CDK8: variants seen among roughly 807,000 people sequenced by gnomAD.
CDK8 encodes cyclin-dependent kinase 8.
CDK8 carries 29 observed loss-of-function variants against 71.5 expected under a neutral mutation model. The ratio of observed to expected loss-of-function variants is 0.41; its 90% CI spans 0.30 to 0.55. The LOEUF (loss-of-function observed/expected upper bound fraction) is 0.55. Among genes scored for constraint, CDK8 ranks in the 20% least tolerant of loss-of-function variants. The pLI is 0.37. For missense variants in CDK8, 288 were observed against 572.6 expected (o/e 0.50, Z 5.07); for synonymous variants, 161 against 192.1 (o/e 0.84, Z 1.34).
chr13:26,337,007 CTTG>C (rs150709708), intron 1 of CDK8, among the ~76,000 whole-genome samples: 9,091 of 152,102 alleles, frequency 0.06, 901 homozygotes, highest in African/African-American at 0.21. Flanking sequence ...AAAGAAGGAA[CTTG>C]TTGTATCCTC....
intron 1 of CDK8, among the ~76,000 whole-genome samples, chr13:26,270,208 G>A (rs1473540697): frequency 6.6e-6 from 1 of 151,912 alleles, no homozygotes; most frequent in Admixed American, 6.6e-5. Context: ...TAATCAACAT[G>A]TGAAACCCTA....
intron 1 of CDK8, among the ~76,000 whole-genome samples, chr13:26,309,225 C>T (rs1265267634): frequency 2.0e-5 from 3 of 151,606 alleles, no homozygotes; most frequent in Admixed American, 6.6e-5. Flanking sequence ...CTGCAAGCTC[C>T]GCCTCCCAGG....
chr13:26,401,525 T>A lies in CDK8; in HGVS notation c.1170T>A (p.Asn390Lys). The A allele has an allele frequency of 6.2e-7, 1 of 1,614,144 alleles. No individual in the cohort carries two copies. Among genetic ancestry groups the A allele is most frequent in the Non-Finnish European group, 8.5e-7 (1 of 1,180,026 alleles). Reference sequence around the variant, plus strand: ...CTAATGGAACTGGCCACCCAGGGAATCAAGACAGCAGTCACACACAGGGAC... The same window carrying A: ...CTAATGGAACTGGCCACCCAGGGAAACAAGACAGCAGTCACACACAGGGAC... ...NHTNGTGHPGNQDSSHTQGPP... is the reference protein window; with the variant it reads ...NHTNGTGHPGKQDSSHTQGPP... Residue 390 changes from asparagine to lysine, a missense_variant, in exon 12 of 13, where the codon AAT becomes AAA. Asn to Lys is a moderately conservative substitution (Grantham distance 94, BLOSUM62 0). Coordinates refer to ENST00000381527, the MANE Select transcript of CDK8 (RefSeq NM_001260.3). This position sits in a 1 kb window ranked among gnomAD's most constrained non-coding sequence, Gnocchi z 4.5.
chr13:26,256,832 C>T (rs1470619724), intron 1 of CDK8, among the ~76,000 whole-genome samples: 2 of 152,070 alleles, frequency 1.3e-5, no homozygotes, highest in Non-Finnish European at 2.9e-5. Context: ...TAATGATTCT[C>T]TTTATGTGAT....
intron 1 of CDK8, among the ~76,000 whole-genome samples, chr13:26,284,290 A>G (rs1378410941): frequency 6.6e-6 from 1 of 152,220 alleles, no homozygotes; most frequent in East Asian, 1.9e-4. Context: ...AATAACAAAG[A>G]TTAGAGCAGA....
intron 1 of CDK8, among the ~76,000 whole-genome samples, chr13:26,277,782 AG>A (rs1872608994): frequency 6.6e-6 from 1 of 152,188 alleles, no homozygotes; most frequent in Admixed American, 6.5e-5. Flanking sequence ...ATTCTCTAAA[AG>A]TTTAGGTATA....
chr13:26,359,361 G>A (rs976744189), intron 4 of CDK8, among the ~76,000 whole-genome samples: 2 of 152,148 alleles, frequency 1.3e-5, no homozygotes, highest in Admixed American at 6.5e-5. Flanking sequence ...TTTATGTTAC[G>A]TGTATTTTAC....
intron 1 of CDK8, among the ~76,000 whole-genome samples, chr13:26,301,906 G>A (rs140582186): frequency 7.3e-4 from 111 of 152,310 alleles, no homozygotes; most frequent in African/African-American, 2.5e-3. Flanking sequence ...CTTTTGTTCA[G>A]TGAGAAGTTG....
At chr13:26,380,598 C>T (rs1875174119) in intron 4 of CDK8, among the ~76,000 whole-genome samples, 1 of 152,022 alleles carries the variant, frequency 6.6e-6, no homozygotes, top group Non-Finnish European at 1.5e-5. Flanking sequence ...ATCCTCTCAC[C>T]TTAGCAGGAA....
At chr13:26,278,051 G>A (rs2137881083) in intron 1 of CDK8, among the ~76,000 whole-genome samples, 1 of 152,268 alleles carries the variant, frequency 6.6e-6, no homozygotes, top group South Asian at 2.1e-4. Context: ...TGGAAAAAGG[G>A]GAATTTGTTC....
chr13:26,294,677 C>T (rs535958606), intron 1 of CDK8, among the ~76,000 whole-genome samples: 41 of 152,164 alleles, frequency 2.7e-4, no homozygotes, highest in African/African-American at 9.6e-4. Flanking sequence ...AGCATTTTTT[C>T]GTATGTCTGT....
In CDK8 at chr13:26,337,566, G is replaced by T; in HGVS notation, c.129-1G>T. On this transcript the variant is annotated splice_acceptor_variant, in intron 1 of 12. Coordinates refer to ENST00000381527, the MANE Select transcript of CDK8 (RefSeq NM_001260.3). LOFTEE classifies it high-confidence loss of function. Reference sequence around the variant, plus strand: ...ATATTAAAATAACTTTGTTTTTACAGGAAGGATGATAAAGACTATGCTTTA... The same window carrying T: ...ATATTAAAATAACTTTGTTTTTACATGAAGGATGATAAAGACTATGCTTTA... 1 of 1,387,302 alleles carries T rather than the reference G, an allele frequency of 7.2e-7. No homozygotes were observed. The highest frequency in any genetic ancestry group is 9.6e-7 in the Non-Finnish European group (1 of 1,044,598). 85.9% of individuals were successfully genotyped at this position (1,387,302 alleles called of 1,614,324 possible).
At chr13:26,270,461 C>T (rs1872260849) in intron 1 of CDK8, among the ~76,000 whole-genome samples, 1 of 151,624 alleles carries the variant, frequency 6.6e-6, no homozygotes, top group Non-Finnish European at 1.5e-5. Context: ...CAGGGTTGTG[C>T]AGCTATTACC....
Position 26,385,345 on chromosome 13 carries a change from G to A in CDK8, c.646+3G>A, listed in dbSNP as rs1875423972. 6.3e-7 allele frequency: 1 copy of A among 1,585,988 alleles called. No individual in the cohort carries two copies. The highest frequency in any genetic ancestry group is 1.4e-5 in the African/African-American group (1 of 73,090). On this transcript the variant is annotated splice_donor_region_variant and intron_variant, in intron 6 of 12. Transcript: ENST00000381527. ...AAGGCATTATACCAAAGCTATTGGT[G>A]AGTAGAACTAATTAAAATTCCATGA...
chr13:26,328,267 G>A (rs1444022989), intron 1 of CDK8, among the ~76,000 whole-genome samples: 3 of 152,062 alleles, frequency 2.0e-5, no homozygotes, highest in Non-Finnish European at 4.4e-5. Context: ...TAGCCTTTAG[G>A]TAATTCACAG....
chr13:26,328,070 A>G (rs1875106579), intron 1 of CDK8, among the ~76,000 whole-genome samples: 1 of 151,954 alleles, frequency 6.6e-6, no homozygotes, highest in African/African-American at 2.4e-5. Context: ...TTCATTTAAC[A>G]TCTCTAAAGC....
In CDK8 at chr13:26,254,933, G is replaced by T. The variant is rs1000560275; in HGVS notation, c.128+164G>T. The stretch of plus-strand genomic sequence containing the variant: ...GTTTGGGGAGGAAGTGGTGTACGAG[G>T]GATCCAAACCCACGAGAAATCCTGC... On this transcript the variant is annotated intron_variant, in intron 1 of 12. Transcript: ENST00000381527. This position sits in a 1 kb window ranked among gnomAD's most constrained non-coding sequence, Gnocchi z 6.7. Among the ~76,000 whole-genome samples, 1 of 152,220 alleles carries T rather than the reference G, an allele frequency of 6.6e-6. No homozygotes were observed. Among genetic ancestry groups the T allele is most frequent in the African/African-American group, 2.4e-5 (1 of 41,456 alleles).
intron 2 of CDK8, among the ~76,000 whole-genome samples, chr13:26,345,784 G>A (rs1873438873): frequency 6.6e-6 from 1 of 152,226 alleles, no homozygotes; most frequent in African/African-American, 2.4e-5. Context: ...AGAGTAGGTT[G>A]TGTGTCCTTC....
intron 1 of CDK8, among the ~76,000 whole-genome samples, chr13:26,323,934 A>G (rs1016415921): frequency 3.3e-5 from 5 of 152,122 alleles, no homozygotes; most frequent in African/African-American, 1.2e-4. Context: ...GTCATAGGAA[A>G]TACACATGCT....
Sources: allele counts gnomAD v4.1 joint callset (sites outside exome capture counted in the v4.1 genomes callset), GRCh38; gene constraint gnomAD v4.1.1; non-coding constraint Gnocchi (gnomAD v3.1); transcripts MANE v1.5; gene names NCBI Gene and HGNC (gene_info 2026-07-23, HGNC 2026-07-21).